Variants in CCDC70 observed in about 807,000 individuals in gnomAD.
CCDC70 encodes the protein coiled-coil domain-containing protein 70.
A neutral mutation model predicts 9.1 loss-of-function variants in CCDC70; 4 were observed. The observed-to-expected ratio is 0.44, with a 90% CI of 0.22 to 1.00. CCDC70 has a LOEUF of 1.00. CCDC70 is among the 50% of genes least tolerant of loss of function. The pLI is 0.25. For synonymous variants in CCDC70, 119 were observed against 94.0 expected (o/e 1.27, Z -1.54); for missense variants, 308 against 271.3 (o/e 1.14, Z -0.95).
chr13:51,865,626 T>C lies in CCDC70; in HGVS notation c.215T>C (p.Ile72Thr). The C allele has an allele frequency of 6.2e-7, 1 of 1,614,032 alleles. No homozygotes were observed. The highest frequency in any genetic ancestry group is 1.3e-5 in the African/African-American group (1 of 74,980). The change falls in exon 2 of 2, where the codon ATC becomes ACC. Residue 72 changes from isoleucine (I) to threonine (T), a missense_variant. By Grantham distance (89) the Ile-to-Thr change is moderately conservative (BLOSUM62 -1). Coordinates refer to ENST00000242819, the MANE Select transcript of CCDC70 (RefSeq NM_031290.4). ...AAGATCCATGCTTTCCGGGGCCAGA[T>C]CCTGGGTTTTTGGGAAGAGGAGAGA... Reference protein sequence around the residue: ...RGKIHAFRGQILGFWEEERPF... With the variant: ...RGKIHAFRGQTLGFWEEERPF...
At position 51,866,064 on chromosome 13, in the gene CCDC70, C is replaced by G; in HGVS notation, c.653C>G (p.Ser218Cys). The G allele has an allele frequency of 6.3e-7, 1 of 1,582,210 alleles. No individual in the cohort carries two copies. Among genetic ancestry groups the G allele is most frequent in the Non-Finnish European group, 8.6e-7 (1 of 1,166,692 alleles). The part of the protein sequence containing the change: ...ANRGQRLLAF[S>C]RGRA ...AGAGGGCAGCGCTTGCTGGCCTTCT[C>G]CCGAGGCAGGGCGTAGCCAGCATGC... The change falls in exon 2 of 2, where the codon TCC becomes TGC. Residue 218 changes from serine to cysteine, a missense_variant. Transcript: ENST00000242819.
rs1956386879 is a variant in CCDC70 at position 51,862,049 on chromosome 13, T to C, written c.-261T>C. ...CCCCTCCTTTCCTTAAAGTCTTTTA[T>C]AGGGGTCCCCTTCTTGGCCATCTCC... On this transcript the variant is annotated 5_prime_UTR_variant, in exon 1 of 2. Transcript: ENST00000242819. The C allele has an allele frequency of 6.6e-6, 1 of 152,246 alleles. No homozygotes were observed. Among genetic ancestry groups the C allele is most frequent in the Non-Finnish European group, 1.5e-5 (1 of 68,058 alleles). 9.4% of individuals were successfully genotyped at this position (152,246 alleles called of 1,614,324 possible).
chr13:51,865,374 C>T lies in CCDC70; in HGVS notation c.-38C>T. The T allele has an allele frequency of 6.3e-7, 1 of 1,575,978 alleles. No homozygotes were observed. The highest frequency in any genetic ancestry group is 8.6e-7 in the Non-Finnish European group (1 of 1,161,384). ...TGGACCTGGCCAAGGGTCCTGTCAT[C>T]CCTCATGGCCACCCCGCCATTCCGG... On this transcript the variant is annotated 5_prime_UTR_variant, in exon 2 of 2. Coordinates refer to ENST00000242819, the MANE Select transcript of CCDC70 (RefSeq NM_031290.4).
chr13:51,863,672 GACACACACACACACACAC>G (rs35041555), intron 1 of CCDC70, among the ~76,000 whole-genome samples: 3 of 134,388 alleles, frequency 2.2e-5, no homozygotes, highest in African/African-American at 8.2e-5. Context: ...CGCGCACACA[GACACACACACACACACAC>G]ACACACACAC....
chr13:51,863,532 T>C (rs1286636030), intron 1 of CCDC70, among the ~76,000 whole-genome samples: 1 of 151,946 alleles, frequency 6.6e-6, no homozygotes, highest in Non-Finnish European at 1.5e-5. Flanking sequence ...GAGGGCTTGA[T>C]GGTTGAGGAG....
chr13:51,866,083 A>C lies in CCDC70; in HGVS notation c.*3A>C. The C allele has an allele frequency of 6.4e-7, 1 of 1,564,496 alleles. No homozygotes were observed. The highest frequency in any genetic ancestry group is 8.6e-7 in the Non-Finnish European group (1 of 1,158,216). On this transcript the variant is annotated 3_prime_UTR_variant, in exon 2 of 2. Coordinates refer to ENST00000242819, the MANE Select transcript of CCDC70 (RefSeq NM_031290.4). ...CCTTCTCCCGAGGCAGGGCGTAGCC[A>C]GCATGCAGGTGCAGGGCCCTGTGGT...
At position 51,866,069 on chromosome 13, in the gene CCDC70, G is replaced by A. The variant is rs1956423032; in HGVS notation, c.658G>A (p.Gly220Ser). 1 of 1,577,316 alleles carries A rather than the reference G, an allele frequency of 6.3e-7. No individual in the cohort carries two copies. Among genetic ancestry groups the A allele is most frequent in the African/African-American group, 1.4e-5 (1 of 73,556 alleles). The change falls in exon 2 of 2, where the codon GGC (glycine) becomes AGC (serine). Residue 220 changes from glycine to serine, a missense_variant. Physicochemically the swap from Gly to Ser is moderately conservative, Grantham distance 56. Transcript: ENST00000242819. ...RGQRLLAFSRGRA is the reference protein window; with the variant it reads ...RGQRLLAFSRSRA ...GCAGCGCTTGCTGGCCTTCTCCCGAGGCAGGGCGTAGCCAGCATGCAGGTG... is the reference window on the plus strand; with the variant it reads ...GCAGCGCTTGCTGGCCTTCTCCCGAAGCAGGGCGTAGCCAGCATGCAGGTG...
intron 1 of CCDC70, among the ~76,000 whole-genome samples, chr13:51,862,725 T>G (rs1264129276): frequency 6.6e-6 from 1 of 151,978 alleles, no homozygotes; most frequent in South Asian, 2.1e-4. Flanking sequence ...TGAAGTGAGG[T>G]TGGGCAAGGA....
Position 51,865,731 on chromosome 13 carries a change from A to T in CCDC70, c.320A>T (p.Glu107Val). 6.2e-7 allele frequency: 1 copy of T among 1,614,170 alleles called. No individual in the cohort carries two copies. The highest frequency in any genetic ancestry group is 8.5e-7 in the Non-Finnish European group (1 of 1,180,022). ...ATGGAAAAGTCTTTCAGGGAGGAAG[A>T]GAAAACTTTCTGGAAAAAGTACCGC... Reference protein sequence around the residue: ...WEMEKSFREEEKTFWKKYRTF... With the variant: ...WEMEKSFREEVKTFWKKYRTF... Residue 107 changes from glutamate to valine, a missense_variant, in exon 2 of 2, where the codon GAG becomes GTG. Coordinates refer to ENST00000242819, the MANE Select transcript of CCDC70 (RefSeq NM_031290.4).
At position 51,866,152 on chromosome 13, in the gene CCDC70, G is replaced by A; in HGVS notation, c.*72G>A. On this transcript the variant is annotated 3_prime_UTR_variant, in exon 2 of 2. Coordinates refer to ENST00000242819, the MANE Select transcript of CCDC70 (RefSeq NM_031290.4). Reference sequence around the variant, plus strand: ...GGATTCAAGTCCAGGGTGAGCCCATGTGCTGGAGAAAATACACACTCATTG... The same window carrying A: ...GGATTCAAGTCCAGGGTGAGCCCATATGCTGGAGAAAATACACACTCATTG... 2 of 1,257,492 alleles carry A rather than the reference G, an allele frequency of 1.6e-6. No individual in the cohort carries two copies. Among genetic ancestry groups the A allele is most frequent in the Non-Finnish European group, 2.2e-6 (2 of 918,208 alleles). The allele number at this position is 1,257,492 out of a possible 1,614,324, so 77.9% of individuals were successfully genotyped here. A position where few individuals can be genotyped will look rare whatever the true frequency, so the allele number is the denominator to read the frequency against.
At position 51,863,002 on chromosome 13, in the gene CCDC70, G is replaced by A. The variant is rs147015758; in HGVS notation, c.-81+773G>A. 4.0e-4 allele frequency among the ~76,000 whole-genome samples: 61 copies of A among 152,346 alleles called. 1 individual carries two copies. The highest frequency in any genetic ancestry group is 1.3e-3 in the African/African-American group (55 of 41,576). ...ACAAGTAATAGTGGAGTAACAGACA[G>A]ACAGTATCGCAGAGGTGGCGAGGAA... On this transcript the variant is annotated intron_variant, in intron 1 of 1. Transcript: ENST00000242819.
chr13:51,863,586 G>C (rs1233267577), intron 1 of CCDC70, among the ~76,000 whole-genome samples: 1 of 151,974 alleles, frequency 6.6e-6, no homozygotes, highest in Admixed American at 6.6e-5. Flanking sequence ...ATGTGCCCCT[G>C]GTTCTGGTTT....
intron 1 of CCDC70, among the ~76,000 whole-genome samples, chr13:51,863,665 G>T (rs570266565): frequency 9.6e-6 from 1 of 103,856 alleles, no homozygotes; most frequent in African/African-American, 4.5e-5. Flanking sequence ...ATATGCACGC[G>T]CACACAGACA....
At chr13:51,863,611 A>G (rs1334057545) in intron 1 of CCDC70, among the ~76,000 whole-genome samples, 1 of 151,718 alleles carries the variant, frequency 6.6e-6, no homozygotes. Context: ...GACTGGATGG[A>G]TGGTGATGCC....
At position 51,865,736 on chromosome 13, in the gene CCDC70, A is replaced by C; in HGVS notation, c.325A>C (p.Thr109Pro). 1 of 1,614,010 alleles carries C rather than the reference A, an allele frequency of 6.2e-7. No individual in the cohort carries two copies. ...AAAGTCTTTCAGGGAGGAAGAGAAA[A>C]CTTTCTGGAAAAAGTACCGCACTTT... is the stretch of plus-strand genomic sequence containing the variant. ...MEKSFREEEK[T>P]FWKKYRTFWK... The change falls in exon 2 of 2, where the codon ACT becomes CCT. Residue 109 changes from threonine to proline, a missense_variant. Transcript: ENST00000242819.
Position 51,865,937 on chromosome 13 carries a change from G to C in CCDC70, c.526G>C (p.Glu176Gln). Residue 176 changes from glutamate (E) to glutamine (Q), a missense_variant, in exon 2 of 2, where the codon GAA (glutamate) becomes CAA (glutamine). Glu to Gln is a conservative substitution (Grantham distance 29). Transcript: ENST00000242819. ...GGAAGATAAAACGTCCCTCTGGGAG[G>C]AAGAGAATGCCCTCTGGGAGGAAGA... ...LWEDKTSLWE[E>Q]ENALWEEERA... 6.2e-7 allele frequency: 1 copy of C among 1,614,084 alleles called. No homozygotes were observed.
chr13:51,865,705 A>G lies in CCDC70; in HGVS notation c.294A>G (p.Glu98=). 1 of 1,614,176 alleles carries G rather than the reference A, an allele frequency of 6.2e-7. No individual in the cohort carries two copies. Among genetic ancestry groups the G allele is most frequent in the Admixed American group, 1.7e-5 (1 of 60,026 alleles). The part of the protein sequence containing the change: ...TFWKEEKSFW[E]MEKSFREEEK... ...GGAAAGAGGAAAAATCCTTCTGGGA[A>G]ATGGAAAAGTCTTTCAGGGAGGAAG... Residue 98 remains glutamate (E), a synonymous_variant, in exon 2 of 2, where the codon GAA becomes GAG. Transcript: ENST00000242819.
In CCDC70 at chr13:51,865,538, G is replaced by T. The variant is rs975082785; in HGVS notation, c.127G>T (p.Glu43Ter). 1 of 1,614,236 alleles carries T rather than the reference G, an allele frequency of 6.2e-7. No homozygotes were observed. The highest frequency in any genetic ancestry group is 8.5e-7 in the Non-Finnish European group (1 of 1,180,036). The change falls in exon 2 of 2, where the codon GAG becomes TAG. Residue 43 changes from glutamate to a stop codon, truncating the protein, a stop_gained. Transcript: ENST00000242819. LOFTEE classifies it high-confidence loss of function. Reference sequence around the variant, plus strand: ...GCAGGAGGAAAAGGCTTTTCGCGAAGAGATGAAAATTTTTCGTGAAAAAAT... The same window carrying T: ...GCAGGAGGAAAAGGCTTTTCGCGAATAGATGAAAATTTTTCGTGAAAAAAT... ...KLQEEKAFREEMKIFREKIED... is the reference protein window; with the variant it reads ...KLQEEKAFRE
At chr13:51,863,954 C>G (rs565379277) in intron 1 of CCDC70, among the ~76,000 whole-genome samples, 1 of 152,280 alleles carries the variant, frequency 6.6e-6, no homozygotes, top group African/African-American at 2.4e-5. Flanking sequence ...TAACCACCTT[C>G]CTATGTCCAG....
Sources: gnomAD v4.1 joint callset for allele counts (sites outside exome capture counted in the v4.1 genomes callset) on GRCh38, gnomAD v4.1.1 for gene constraint, MANE v1.5 for transcripts, NCBI Gene and HGNC (gene_info 2026-07-23, HGNC 2026-07-21) for gene names.